The following PDE4D variants were observed in gnomAD, a reference collection of about 807,000 sequenced individuals.
The protein encoded by PDE4D is 3',5'-cyclic-AMP phosphodiesterase 4D.
In PDE4D, 24 loss-of-function variants were observed where a neutral mutation model predicts 87.4. The observed-to-expected ratio is 0.27, with a 90% CI of 0.20 to 0.39. PDE4D has a LOEUF of 0.39. PDE4D is among the 10% of genes least tolerant of loss of function. PDE4D has a pLI of 1.00. For synonymous variants in PDE4D, 384 were observed against 383.2 expected, an observed-to-expected ratio of 1.00 and a Z score of -0.02; for missense variants, 714 against 1,041.0, an observed-to-expected ratio of 0.69 and a Z score of 4.32.
At chr5:59,816,690 G>A (rs1335084618) in intron 1 of PDE4D, among the ~76,000 whole-genome samples, 1 of 152,130 alleles carries the variant, frequency 6.6e-6, no homozygotes, top group African/African-American at 2.4e-5. Flanking sequence ...TACACAGATA[G>A]TCTGCTCCAC....
Position 59,392,043 on chromosome 5 carries a change from G to A in PDE4D, c.456-176075C>T, listed in dbSNP as rs561870518. Among the ~76,000 whole-genome samples the A allele has an allele frequency of 4.4e-4, 66 of 150,688 alleles. 1 individual carries two copies. The South Asian group carries it at 5.4e-3, about 12-fold the overall frequency. The stretch of plus-strand genomic sequence containing the variant: ...CTCCACAAGGGTAGAATTTTTGTCT[G>A]TTTCATTCACTGCTGTATTTTTTTT... On this transcript the variant is annotated intron_variant, in intron 1 of 14. Transcript: ENST00000340635.
chr5:59,310,199 A>G (rs1772297202), intron 1 of PDE4D, among the ~76,000 whole-genome samples: 1 of 152,020 alleles, frequency 6.6e-6, no homozygotes, highest in African/African-American at 2.4e-5. Context: ...TCATTTCCTT[A>G]ACCAAAGTGG....
At chr5:59,115,547 A>G (rs901578492) in intron 5 of PDE4D, among the ~76,000 whole-genome samples, 3 of 152,174 alleles carry the variant, frequency 2.0e-5, no homozygotes, top group Non-Finnish European at 4.4e-5. Context: ...AAATATGAAC[A>G]TACATTTCTC....
At chr5:59,393,596 A>C (rs1384992342) in intron 1 of PDE4D, among the ~76,000 whole-genome samples, 1 of 152,236 alleles carries the variant, frequency 6.6e-6, no homozygotes, top group Non-Finnish European at 1.5e-5. Context: ...ATAAATGACA[A>C]CACCAATATT....
At chr5:60,448,576 G>A in intron 1 of PDE4D, 2 of 152,026 alleles carry the variant, frequency 1.3e-5, no homozygotes, top group East Asian at 1.9e-4. Context: ...ATGTCCATTT[G>A]GTTTTCCCCC....
At chr5:59,339,194 C>CA (rs1778275253) in intron 1 of PDE4D, among the ~76,000 whole-genome samples, 1 of 152,144 alleles carries the variant, frequency 6.6e-6, no homozygotes, top group African/African-American at 2.4e-5. Flanking sequence ...TAAGAATAAC[C>CA]AAGACATGCA....
intron 1 of PDE4D, among the ~76,000 whole-genome samples, chr5:59,265,416 C>A (rs759486519): frequency 6.6e-6 from 1 of 151,910 alleles, no homozygotes; most frequent in African/African-American, 2.4e-5. Flanking sequence ...ATCTGGAATA[C>A]CTAGCTCTAT....
At chr5:59,065,063 TATATACACACACACACACACAC>T (rs1283773322) in intron 5 of PDE4D, among the ~76,000 whole-genome samples, 2,086 of 109,326 alleles carry the variant, frequency 0.019, 52 homozygotes, top group Middle Eastern at 0.044. Flanking sequence ...ATGTGATATA[TATATACACACACACACACACAC>T]ACACACACAC....
rs1421937413 is a variant in PDE4D at position 59,673,905 on chromosome 5, G to A, written c.455+219263C>T. ...CCATTGGTTTAGTCATGTAGTTTCCGAAATAAATATCTTCACATGGAACAT... is the reference window on the plus strand; with the variant it reads ...CCATTGGTTTAGTCATGTAGTTTCCAAAATAAATATCTTCACATGGAACAT... On this transcript the variant is annotated intron_variant, in intron 1 of 14. Coordinates refer to ENST00000340635, the MANE Select transcript of PDE4D (RefSeq NM_001104631.2). Among the ~76,000 whole-genome samples the A allele has an allele frequency of 3.9e-5, 6 of 151,990 alleles. No homozygotes were observed. The South Asian group carries it at 6.2e-4, about 16-fold the overall frequency.
At chr5:60,393,143 A>G (rs977019392) in intron 1 of PDE4D, among the ~76,000 whole-genome samples, 3 of 152,226 alleles carry the variant, frequency 2.0e-5, no homozygotes, top group Non-Finnish European at 4.4e-5. Context: ...GATATGTTCA[A>G]ATAAATCAAA....
At chr5:60,243,572 T>C (rs1165393511) in intron 1 of PDE4D, among the ~76,000 whole-genome samples, 1 of 151,940 alleles carries the variant, frequency 6.6e-6, no homozygotes, top group Non-Finnish European at 1.5e-5. Flanking sequence ...AACAAAATAC[T>C]AACAAACCAA....
intron 5 of PDE4D, among the ~76,000 whole-genome samples, chr5:59,085,674 G>A (rs1767545093): frequency 1.3e-5 from 2 of 152,156 alleles, no homozygotes; most frequent in African/African-American, 2.4e-5. Context: ...CCCTGGAGAT[G>A]TATCTTGACT....
chr5:59,090,277 C>T (rs10058672), intron 5 of PDE4D, among the ~76,000 whole-genome samples: 7,022 of 152,142 alleles, frequency 0.046, 539 homozygotes, highest in African/African-American at 0.16. Context: ...GATGAATACA[C>T]CTCATGTTTC....
chr5:60,215,213 A>G (rs910153163), intron 1 of PDE4D, among the ~76,000 whole-genome samples: 3 of 152,204 alleles, frequency 2.0e-5, no homozygotes, highest in African/African-American at 7.2e-5. Flanking sequence ...AATACTACTT[A>G]AAGACATTTG....
chr5:59,644,442 A>G (rs1251085342), intron 1 of PDE4D, among the ~76,000 whole-genome samples: 1 of 152,178 alleles, frequency 6.6e-6, no homozygotes, highest in Non-Finnish European at 1.5e-5. Context: ...GGCCAGAACA[A>G]CAGGAGCAAA....
rs541700677 is a variant in PDE4D at position 59,452,689 on chromosome 5, C to T, written c.456-236721G>A. On this transcript the variant is annotated intron_variant, in intron 1 of 14. Transcript: ENST00000340635. ...AACAAAGGACATGGAAGTCTTGAGACCACAGCCTTCAGAGCGTAGCCTCCA... is the reference window on the plus strand; with the variant it reads ...AACAAAGGACATGGAAGTCTTGAGATCACAGCCTTCAGAGCGTAGCCTCCA... Among the ~76,000 whole-genome samples, 3 of 152,230 alleles carry T rather than the reference C, an allele frequency of 2.0e-5. No individual in the cohort carries two copies. In the South Asian group the frequency reaches 6.2e-4, roughly 32 times the overall value.
At chr5:60,166,252 G>A (rs1338770451) in intron 2 of PDE4D, among the ~76,000 whole-genome samples, 1 of 152,066 alleles carries the variant, frequency 6.6e-6, no homozygotes, top group African/African-American at 2.4e-5. Context: ...CCGCCACCAC[G>A]CCTGTCTAAT....
chr5:58,987,991 T>C (rs746439404), intron 11 of PDE4D, among the ~76,000 whole-genome samples: 1 of 152,060 alleles, frequency 6.6e-6, no homozygotes, highest in Non-Finnish European at 1.5e-5. Context: ...ATGTTAACAG[T>C]GAGAAAAAAC....
Position 58,988,480 on chromosome 5 carries a change from A to G in PDE4D, c.1552+13T>C. The G allele has an allele frequency of 8.4e-7, 1 of 1,195,328 alleles. No homozygotes were observed. Among genetic ancestry groups the G allele is most frequent in the South Asian group, 1.7e-5 (1 of 57,166 alleles). 74.0% of individuals were successfully genotyped at this position (1,195,328 alleles called of 1,614,324 possible). A position where few individuals can be genotyped will look rare whatever the true frequency, so the allele number is the denominator to read the frequency against. On this transcript the variant is annotated intron_variant, in intron 11 of 14. Transcript: ENST00000340635. ...AGGGAAAAATGTGTTCTGAAAAAAT[A>G]AAGTTTACTTACTTGTATTGATCAG...
Sources: allele counts gnomAD v4.1 joint callset (sites outside exome capture counted in the v4.1 genomes callset), GRCh38; gene constraint gnomAD v4.1.1; transcripts MANE v1.5; gene names NCBI Gene and HGNC (gene_info 2026-07-23, HGNC 2026-07-21).